WSCD2: variants seen among roughly 807,000 people sequenced by gnomAD.
WSCD2 encodes the protein sialate:O-sulfotransferase 2.
WSCD2 carries 28 observed loss-of-function variants against 55.7 expected under a neutral mutation model. The observed-to-expected ratio is 0.50, with a 90% CI of 0.37 to 0.69. The LOEUF (loss-of-function observed/expected upper bound fraction) is 0.69, where lower values mean the gene tolerates loss of function less well. WSCD2 is among the 30% of genes least tolerant of loss of function. The pLI, the probability that WSCD2 is intolerant of heterozygous loss-of-function variation, is 0.00. For synonymous variants in WSCD2, 301 were observed against 301.9 expected (o/e 1.00, Z 0.03); for missense variants, 616 against 762.1 (o/e 0.81, Z 2.26).
In WSCD2 at chr12:108,167,946, G is replaced by A. The variant is rs58333779; in HGVS notation, c.-551-27336G>A. Among the ~76,000 whole-genome samples the A allele has an allele frequency of 8.6e-3, 1,315 of 152,266 alleles. 13 individuals are homozygous for A. Among genetic ancestry groups the A allele is most frequent in the African/African-American group, 0.024 (990 of 41,540 alleles). The stretch of plus-strand genomic sequence containing the variant: ...CTGGAGAGCATCAATGCTAGAAGAG[G>A]GTGAGGGGTAAAATGATCCTGGGGC... On this transcript the variant is annotated intron_variant, in intron 1 of 8. Coordinates refer to ENST00000547525, the MANE Select transcript of WSCD2 (RefSeq NM_014653.4).
intron 4 of WSCD2, among the ~76,000 whole-genome samples, chr12:108,216,385 G>A (rs1189731307): frequency 1.3e-5 from 2 of 152,216 alleles, no homozygotes; most frequent in African/African-American, 4.8e-5. Flanking sequence ...CTATTATATA[G>A]AAAGGTTTGA....
intron 1 of WSCD2, among the ~76,000 whole-genome samples, chr12:108,159,126 C>A (rs1592905100): frequency 6.6e-6 from 1 of 152,306 alleles, no homozygotes; most frequent in East Asian, 1.9e-4. Context: ...AGCCCTGTCC[C>A]ACCTCTGGAG....
At chr12:108,161,218 C>T (rs1207352891) in intron 1 of WSCD2, among the ~76,000 whole-genome samples, 1 of 152,150 alleles carries the variant, frequency 6.6e-6, no homozygotes, top group Admixed American at 6.5e-5. Flanking sequence ...TATCATAATG[C>T]ATATAGGGGC....
At chr12:108,139,209 T>C (rs1876528647) in intron 1 of WSCD2, among the ~76,000 whole-genome samples, 1 of 152,232 alleles carries the variant, frequency 6.6e-6, no homozygotes, top group Admixed American at 6.5e-5. Context: ...TCCTTAGGCA[T>C]TGGAGGTCTA....
chr12:108,212,938 G>A (rs1363229590), intron 4 of WSCD2, among the ~76,000 whole-genome samples: 1 of 152,174 alleles, frequency 6.6e-6, no homozygotes, highest in Non-Finnish European at 1.5e-5. Context: ...CCTTCAGCTG[G>A]AGACCCTAAA....
intron 1 of WSCD2, among the ~76,000 whole-genome samples, chr12:108,146,813 G>C (rs1192267948): frequency 6.6e-6 from 1 of 152,202 alleles, no homozygotes; most frequent in Admixed American, 6.5e-5. Flanking sequence ...CAGAGACGCT[G>C]TGATTTTTAT....
At chr12:108,189,999 C>T (rs1343606605) in intron 1 of WSCD2, among the ~76,000 whole-genome samples, 2 of 152,236 alleles carry the variant, frequency 1.3e-5, no homozygotes, top group East Asian at 1.9e-4. Flanking sequence ...AGCATTTGCA[C>T]CTAATACATA....
chr12:108,167,138 C>T (rs985593510), intron 1 of WSCD2, among the ~76,000 whole-genome samples: 6 of 152,068 alleles, frequency 3.9e-5, no homozygotes, highest in Non-Finnish European at 8.8e-5. Flanking sequence ...TAGGGGATGC[C>T]ACTTCTCCTC....
intron 1 of WSCD2, among the ~76,000 whole-genome samples, chr12:108,173,314 G>C (rs1592929958): frequency 1.3e-5 from 2 of 152,194 alleles, no homozygotes; most frequent in African/African-American, 4.8e-5. Context: ...GCTGGCTCTT[G>C]GCTGTGAGAA....
At chr12:108,138,216 C>A (rs925587047) in intron 1 of WSCD2, among the ~76,000 whole-genome samples, 1 of 152,282 alleles carries the variant, frequency 6.6e-6, no homozygotes, top group East Asian at 1.9e-4. Context: ...GGCCAGCATG[C>A]GGGAAGACCC....
rs141720882 is a variant in WSCD2, at chr12:108,248,885, G to A, written c.*542G>A. On this transcript the variant is annotated 3_prime_UTR_variant, in exon 9 of 9. Coordinates refer to ENST00000547525, the MANE Select transcript of WSCD2 (RefSeq NM_014653.4). The surrounding 1 kb of genome is among the most constrained non-coding windows in gnomAD (Gnocchi z 4.3). ...AGAAAGATTGCTGGGAAGTTTCTCCGTGGCCTTAGGTTTCTGACATCCTGG... is the reference window on the plus strand; with the variant it reads ...AGAAAGATTGCTGGGAAGTTTCTCCATGGCCTTAGGTTTCTGACATCCTGG... 279 of 988,674 alleles carry A rather than the reference G, an allele frequency of 2.8e-4. No homozygotes were observed. The African/African-American group carries it at 3.5e-3, about 12-fold the overall frequency. 61.2% of individuals were successfully genotyped at this position (988,674 alleles called of 1,614,324 possible).
intron 5 of WSCD2, among the ~76,000 whole-genome samples, chr12:108,225,482 T>C (rs1887978665): frequency 6.6e-6 from 1 of 151,836 alleles, no homozygotes; most frequent in Non-Finnish European, 1.5e-5. Flanking sequence ...ACATGAGGGG[T>C]GACATTTGAA....
chr12:108,223,114 AC>A (rs1887708893), intron 4 of WSCD2, among the ~76,000 whole-genome samples: 1 of 152,230 alleles, frequency 6.6e-6, no homozygotes, highest in Non-Finnish European at 1.5e-5. Flanking sequence ...CATGAGGCTC[AC>A]CCACATTATC....
intron 1 of WSCD2, among the ~76,000 whole-genome samples, chr12:108,161,667 G>A (rs1879076772): frequency 6.6e-6 from 1 of 152,180 alleles, no homozygotes; most frequent in African/African-American, 2.4e-5. Context: ...TTGGTTTGTG[G>A]TACTCTGTTG....
chr12:108,131,492 C>A (rs982575905), intron 1 of WSCD2, among the ~76,000 whole-genome samples: 1 of 152,224 alleles, frequency 6.6e-6, no homozygotes, highest in African/African-American at 2.4e-5. Context: ...ATGGGAAGTT[C>A]ACAGTTCCTA....
chr12:108,200,563 C>T (rs886541561), intron 2 of WSCD2, among the ~76,000 whole-genome samples: 2 of 152,210 alleles, frequency 1.3e-5, no homozygotes, highest in Non-Finnish European at 2.9e-5. Flanking sequence ...GGTGGAGATA[C>T]AGGAATGATT....
At chr12:108,225,808 A>G (rs995558473) in intron 5 of WSCD2, among the ~76,000 whole-genome samples, 2 of 152,200 alleles carry the variant, frequency 1.3e-5, no homozygotes, top group African/African-American at 4.8e-5. Context: ...AGCGATGTCC[A>G]AGTAGCTCCA....
intron 2 of WSCD2, among the ~76,000 whole-genome samples, chr12:108,205,882 T>C (rs1174243651): frequency 6.6e-6 from 1 of 152,228 alleles, no homozygotes; most frequent in African/African-American, 2.4e-5. Flanking sequence ...CCAGGGCACT[T>C]TCCAAAGGAA....
At chr12:108,148,706 G>A (rs1877656394) in intron 1 of WSCD2, among the ~76,000 whole-genome samples, 1 of 152,142 alleles carries the variant, frequency 6.6e-6, no homozygotes, top group South Asian at 2.1e-4. Context: ...GGAAGTCTTT[G>A]CAAGCGTTAG....
Sources: allele counts gnomAD v4.1 joint callset (sites outside exome capture counted in the v4.1 genomes callset), GRCh38; gene constraint gnomAD v4.1.1; non-coding constraint Gnocchi (gnomAD v3.1); transcripts MANE v1.5; gene names NCBI Gene and HGNC (gene_info 2026-07-23, HGNC 2026-07-21).